The following TMEM232 variants were observed in gnomAD, a reference collection of about 807,000 sequenced individuals.
TMEM232 encodes transmembrane protein 232.
TMEM232 carries 80 observed loss-of-function variants against 78.8 expected under a neutral mutation model. The observed-to-expected ratio is 1.01, with a 90% CI of 0.85 to 1.22. The LOEUF is 1.22. Ranked by LOEUF, TMEM232 falls within the 50% of genes most tolerant of loss-of-function variation. The pLI, the probability that TMEM232 is intolerant of heterozygous loss-of-function variation, is 0.00. For synonymous variants in TMEM232, 297 were observed against 254.3 expected (o/e 1.17, Z -1.60); for missense variants, 881 against 742.2 (o/e 1.19, Z -2.17).
chr5:110,537,057 C>T (rs1772457317), intron 11 of TMEM232, among the ~76,000 whole-genome samples: 1 of 152,034 alleles, frequency 6.6e-6, no homozygotes, highest in Admixed American at 6.5e-5. Context: ...CAGTCAGGAC[C>T]TAGAATTTTT....
intron 12 of TMEM232, among the ~76,000 whole-genome samples, chr5:110,471,615 AAG>A (rs1328547528): frequency 6.7e-6 from 1 of 148,202 alleles, no homozygotes; most frequent in Non-Finnish European, 1.5e-5. Flanking sequence ...CAAGTGCTGA[AAG>A]AAAAAAAAAA....
At chr5:110,590,285 A>G (rs919507720) in intron 10 of TMEM232, among the ~76,000 whole-genome samples, 3 of 152,106 alleles carry the variant, frequency 2.0e-5, no homozygotes, top group African/African-American at 7.2e-5. Flanking sequence ...AGATTCTTCA[A>G]GTTCTACTCC....
intron 12 of TMEM232, among the ~76,000 whole-genome samples, chr5:110,467,041 A>G (rs951583990): frequency 5.3e-5 from 8 of 152,106 alleles, no homozygotes; most frequent in African/African-American, 1.9e-4. Context: ...TCTTTTACTC[A>G]ATATTTTATG....
intron 2 of TMEM232, among the ~76,000 whole-genome samples, chr5:110,648,297 G>T (rs1030367857): frequency 6.6e-6 from 1 of 152,132 alleles, no homozygotes; most frequent in Non-Finnish European, 1.5e-5. Flanking sequence ...CACAAACTGC[G>T]TGTGGTTGTG....
chr5:110,581,279 A>G (rs1352396211), intron 10 of TMEM232, among the ~76,000 whole-genome samples: 1 of 152,100 alleles, frequency 6.6e-6, no homozygotes, highest in Non-Finnish European at 1.5e-5. Context: ...CAACAAGGCT[A>G]CAGTAGCCAA....
chr5:110,415,556 A>G (rs1005908559), downstream of TMEM232, among the ~76,000 whole-genome samples: 1 of 151,766 alleles, frequency 6.6e-6, no homozygotes, highest in Admixed American at 6.6e-5. Context: ...TCCTTAAGAC[A>G]TGCCTTCCTA....
chr5:110,595,846 C>A (rs1168446957), intron 10 of TMEM232, among the ~76,000 whole-genome samples: 2 of 152,092 alleles, frequency 1.3e-5, no homozygotes, highest in African/African-American at 2.4e-5. Flanking sequence ...AGTTGGAAAA[C>A]ACACTTCAGG....
chr5:110,420,547 C>T lies in TMEM232; in HGVS notation c.*33G>A. Reference sequence around the variant, plus strand: ...TCCTATGTATTTCTGCCATGTAGTCCTCAATTTTGGGAGGTGACATTTTCT... The same window carrying T: ...TCCTATGTATTTCTGCCATGTAGTCTTCAATTTTGGGAGGTGACATTTTCT... On this transcript the variant is annotated 3_prime_UTR_variant, in exon 14 of 14. Coordinates refer to ENST00000455884, the MANE Select transcript of TMEM232 (RefSeq NM_001039763.4). 7.3e-7 allele frequency: 1 copy of T among 1,364,910 alleles called. No homozygotes were observed. Among genetic ancestry groups the T allele is most frequent in the Middle Eastern group, 2.4e-4 (1 of 4,224 alleles). 84.5% of individuals were successfully genotyped at this position (1,364,910 alleles called of 1,614,324 possible). A position where few individuals can be genotyped will look rare whatever the true frequency, so the allele number is the denominator to read the frequency against.
At chr5:110,402,827 C>T (rs1755652741) in intron 2 of TMEM232, among the ~76,000 whole-genome samples, 1 of 152,014 alleles carries the variant, frequency 6.6e-6, no homozygotes, top group Non-Finnish European at 1.5e-5. Context: ...GACAGCTTCA[C>T]AAAGACTACA....
At chr5:110,388,131 AC>A (rs1474707944) in intron 4 of TMEM232, 2 of 152,102 alleles carry the variant, frequency 1.3e-5, no homozygotes, top group Non-Finnish European at 2.9e-5. Flanking sequence ...AATGTGGCAG[AC>A]CGCAGCAGAT....
intron 11 of TMEM232, among the ~76,000 whole-genome samples, chr5:110,530,729 G>T (rs926912103): frequency 1.3e-5 from 2 of 152,106 alleles, no homozygotes; most frequent in African/African-American, 4.8e-5. Flanking sequence ...ACGGGTGAAG[G>T]GCTGGGGAGA....
intron 10 of TMEM232, among the ~76,000 whole-genome samples, chr5:110,576,063 C>T (rs1777542706): frequency 6.6e-6 from 1 of 151,960 alleles, no homozygotes; most frequent in African/African-American, 2.4e-5. Flanking sequence ...ACCTTGCAGG[C>T]CATCTAAATA....
At chr5:110,690,669 G>GCA (rs1794008737) in intron 1 of TMEM232, among the ~76,000 whole-genome samples, 1 of 152,106 alleles carries the variant, frequency 6.6e-6, no homozygotes, top group Non-Finnish European at 1.5e-5. Context: ...AAACACACAT[G>GCA]CACACATATG....
chr5:110,669,796 C>T (rs1231713028), intron 1 of TMEM232, among the ~76,000 whole-genome samples: 4 of 152,196 alleles, frequency 2.6e-5, no homozygotes, highest in East Asian at 1.9e-4. Flanking sequence ...ATCAAGTGGG[C>T]TTCATCACTG....
At chr5:110,618,907 A>C (rs1469677038) in intron 7 of TMEM232, among the ~76,000 whole-genome samples, 2 of 152,210 alleles carry the variant, frequency 1.3e-5, no homozygotes, top group Non-Finnish European at 2.9e-5. Flanking sequence ...TTGAGAAAGA[A>C]GGAATGGGGA....
At chr5:110,578,357 A>C (rs567718622) in intron 10 of TMEM232, among the ~76,000 whole-genome samples, 5 of 152,186 alleles carry the variant, frequency 3.3e-5, no homozygotes, top group African/African-American at 1.2e-4. Flanking sequence ...ATTGTAAAAA[A>C]GAATATGAAT....
chr5:110,526,768 T>C (rs1219156068), intron 12 of TMEM232, among the ~76,000 whole-genome samples: 1 of 151,942 alleles, frequency 6.6e-6, no homozygotes, highest in Non-Finnish European at 1.5e-5. Context: ...TTTGTGGCAT[T>C]GTGTCTAGTA....
chr5:110,533,631 C>A (rs1160880427), intron 11 of TMEM232, among the ~76,000 whole-genome samples: 2 of 152,166 alleles, frequency 1.3e-5, no homozygotes, highest in Non-Finnish European at 2.9e-5. Flanking sequence ...TTCAGCTGTA[C>A]TCACTCTTTG....
intron 1 of TMEM232, among the ~76,000 whole-genome samples, chr5:110,726,077 T>TAC (rs1798115754): frequency 6.7e-6 from 1 of 149,744 alleles, no homozygotes; most frequent in African/African-American, 2.5e-5. Context: ...ATTGTTTTAT[T>TAC]ACACATCTCC....
Sources: gnomAD v4.1 joint callset for allele counts (sites outside exome capture counted in the v4.1 genomes callset) on GRCh38, gnomAD v4.1.1 for gene constraint, MANE v1.5 for transcripts, NCBI Gene and HGNC (gene_info 2026-07-23, HGNC 2026-07-21) for gene names.